The following TET1 variants were observed in gnomAD, a reference collection of about 807,000 sequenced individuals.
TET1 encodes methylcytosine dioxygenase TET1.
TET1 carries 13 observed loss-of-function variants against 148.7 expected under a neutral mutation model. That is an observed-to-expected ratio of 0.09 (90% CI 0.06 to 0.14). The LOEUF (loss-of-function observed/expected upper bound fraction) is 0.14, where lower values mean the gene tolerates loss of function less well. Ranked by LOEUF, TET1 falls within the 10% of genes least tolerant of loss-of-function variation. TET1 has a pLI of 1.00. For synonymous variants in TET1, 907 were observed against 937.2 expected (o/e 0.97, Z 0.59); for missense variants, 2,182 against 2,553.8 (o/e 0.85, Z 3.14).
chr10:68,569,877 C>T (rs116080416), intron 1 of TET1, among the ~76,000 whole-genome samples: 2,292 of 151,434 alleles, frequency 0.015, 59 homozygotes, highest in African/African-American at 0.052. Context: ...ATTTGAGGAA[C>T]TTCATCAACT....
intron 3 of TET1, among the ~76,000 whole-genome samples, chr10:68,644,051 T>C (rs2133121): frequency 0.91 from 138,208 of 151,524 alleles, 63,249 homozygotes; most frequent in East Asian, 0.98. Context: ...ATTACAGGTG[T>C]GCACCACCAC....
chr10:68,662,641 C>T (rs1271985379), intron 6 of TET1, among the ~76,000 whole-genome samples: 1 of 152,160 alleles, frequency 6.6e-6, no homozygotes, highest in African/African-American at 2.4e-5. Context: ...GGCCCTCACA[C>T]CTGTAATCCC....
At chr10:68,578,412 C>A (rs2053756175) in intron 2 of TET1, among the ~76,000 whole-genome samples, 1 of 152,130 alleles carries the variant, frequency 6.6e-6, no homozygotes, top group Non-Finnish European at 1.5e-5. Flanking sequence ...GCACCTGCCA[C>A]CATGCCCGGC....
At chr10:68,665,090 A>G (rs1396085796) in intron 6 of TET1, among the ~76,000 whole-genome samples, 1 of 152,128 alleles carries the variant, frequency 6.6e-6, no homozygotes, top group African/African-American at 2.4e-5. Context: ...CTTTTCAATT[A>G]GCAGATTTGG....
At chr10:68,664,508 C>G (rs1455075480) in intron 6 of TET1, among the ~76,000 whole-genome samples, 1 of 146,408 alleles carries the variant, frequency 6.8e-6, no homozygotes, top group Non-Finnish European at 1.5e-5. Flanking sequence ...CCCGCCTAAG[C>G]CTCCCAAGTA....
At chr10:68,671,610 A>G (rs923841449) in intron 7 of TET1, among the ~76,000 whole-genome samples, 3 of 152,046 alleles carry the variant, frequency 2.0e-5, no homozygotes, top group Non-Finnish European at 2.9e-5. Context: ...TACAAGAAGA[A>G]TATATGGTAC....
chr10:68,573,948 G>T lies in TET1; in HGVS notation c.1610G>T (p.Gly537Val), dbSNP rs1474368532. 1 of 1,614,154 alleles carries T rather than the reference G, an allele frequency of 6.2e-7. No homozygotes were observed. Among genetic ancestry groups the T allele is most frequent in the South Asian group, 1.1e-5 (1 of 91,086 alleles). The change falls in exon 2 of 12, where the codon GGT becomes GTT. Residue 537 changes from glycine (G) to valine (V), a missense_variant. By Grantham distance (109) the Gly-to-Val change is moderately radical. Around this residue, in one of 11 missense-constraint regions of TET1, gnomAD observed 665 missense variants for 672.4 expected, o/e 0.99. Transcript: ENST00000373644. ...GGTATAGCCCAACTCTCTCAGGCTG[G>T]TCCTAGCAAATCAGACAGAGGGAGC... ...SLGIAQLSQA[G>V]PSKSDRGSSQ...
Position 68,646,518 on chromosome 10 carries a change from C to G in TET1, c.3789C>G (p.Leu1263=), listed in dbSNP as rs367864439. 6 of 1,614,002 alleles carry G rather than the reference C, an allele frequency of 3.7e-6. No individual in the cohort carries two copies. The highest frequency in any genetic ancestry group is 5.1e-6 in the Non-Finnish European group (6 of 1,180,008). ...EKVKVEPLDS[L]SLFHLKTESN... ...TGAAGGTTGAACCATTGGATTCACTCAGCTTATTTCATCTTAAAACGGAAT... is the reference window on the plus strand; with the variant it reads ...TGAAGGTTGAACCATTGGATTCACTGAGCTTATTTCATCTTAAAACGGAAT... Residue 1263 remains leucine (L), a synonymous_variant, in exon 4 of 12, where the codon CTC becomes CTG. Transcript: ENST00000373644.
At chr10:68,632,183 G>GTC in intron 3 of TET1, among the ~76,000 whole-genome samples, 1 of 151,914 alleles carries the variant, frequency 6.6e-6, no homozygotes, top group South Asian at 2.1e-4. Flanking sequence ...TTAGCGGGGC[G>GTC]TGGTGGCGGG....
chr10:68,576,281 G>A (rs2053729863), intron 2 of TET1, among the ~76,000 whole-genome samples: 1 of 151,242 alleles, frequency 6.6e-6, no homozygotes, highest in Admixed American at 6.6e-5. Context: ...AACCTCGGAA[G>A]CAGAAGTTGC....
chr10:68,644,526 A>G (rs1391144448), intron 3 of TET1, among the ~76,000 whole-genome samples, 172 bp from the exon 4 acceptor site: 3 of 152,056 alleles, frequency 2.0e-5, no homozygotes, highest in African/African-American at 4.8e-5. Flanking sequence ...TTCTTTTTGT[A>G]TATTATGTCC....
chr10:68,624,768 G>A (rs1441997786), intron 3 of TET1, among the ~76,000 whole-genome samples: 6 of 145,320 alleles, frequency 4.1e-5, no homozygotes, highest in Non-Finnish European at 9.0e-5. Flanking sequence ...GTCTTGCTCT[G>A]TCGCCCAGGC....
intron 6 of TET1, among the ~76,000 whole-genome samples, chr10:68,657,467 C>A (rs369683629): frequency 1.3e-5 from 2 of 152,144 alleles, no homozygotes; most frequent in African/African-American, 4.8e-5. Flanking sequence ...TAAGCCACCA[C>A]GCCCGGCCAA....
In TET1 at chr10:68,646,553, A is replaced by T. The variant is rs777751079; in HGVS notation, c.3824A>T (p.Lys1275Met). 6.2e-7 allele frequency: 1 copy of T among 1,614,222 alleles called. No individual in the cohort carries two copies. The highest frequency in any genetic ancestry group is 8.5e-7 in the Non-Finnish European group (1 of 1,180,042). ...CATCTTAAAACGGAATCCAACGGGA[A>T]GGCATTCACTGATAAAGCTTATAAT... The part of the protein sequence containing the change: ...LFHLKTESNG[K>M]AFTDKAYNSQ... Residue 1275 changes from lysine to methionine, a missense_variant, in exon 4 of 12, where the codon AAG (lysine) becomes ATG (methionine). Transcript: ENST00000373644.
At chr10:68,639,639 TTAG>T (rs2054712701) in intron 3 of TET1, among the ~76,000 whole-genome samples, 1 of 152,078 alleles carries the variant, frequency 6.6e-6, no homozygotes, top group Non-Finnish European at 1.5e-5. Context: ...TGGCTAATTT[TTAG>T]TAGAGACCGA....
At chr10:68,660,633 A>AT (rs34262975) in intron 6 of TET1, among the ~76,000 whole-genome samples, 3,717 of 126,768 alleles carry the variant, frequency 0.029, 62 homozygotes, top group South Asian at 0.048. Context: ...TGCCTGGCCA[A>AT]TTTTTTTTTT....
intron 1 of TET1, among the ~76,000 whole-genome samples, chr10:68,562,906 T>C (rs1376736199): frequency 2.0e-5 from 3 of 152,214 alleles, no homozygotes; most frequent in Admixed American, 1.3e-4. Flanking sequence ...TTTATTACTA[T>C]AGATGTCGAA....
intron 6 of TET1, among the ~76,000 whole-genome samples, chr10:68,653,429 A>T (rs935443708): frequency 1.3e-5 from 2 of 152,198 alleles, no homozygotes; most frequent in Non-Finnish European, 2.9e-5. Flanking sequence ...ATTTTTCAAA[A>T]GTGGTCTGAC....
At chr10:68,563,693 G>GT (rs910174939) in intron 1 of TET1, among the ~76,000 whole-genome samples, 1 of 152,166 alleles carries the variant, frequency 6.6e-6, no homozygotes, top group Admixed American at 6.5e-5. Flanking sequence ...TTTTTTGTTT[G>GT]TTTTTTGAGA....
Sources: gnomAD v4.1 joint callset for allele counts (sites outside exome capture counted in the v4.1 genomes callset) on GRCh38, gnomAD v4.1.1 for gene constraint, gnomAD v4.1.1 regional missense constraint, MANE v1.5 for transcripts, NCBI Gene and HGNC (gene_info 2026-07-23, HGNC 2026-07-21) for gene names.